CFAP47: variants seen among roughly 807,000 people sequenced by gnomAD.
The protein encoded by CFAP47 is cilia- and flagella-associated protein 47.
CFAP47 carries 29 observed loss-of-function variants against 148.1 expected under a neutral mutation model. That is an observed-to-expected ratio of 0.20 (90% CI 0.15 to 0.27). The LOEUF is 0.27. CFAP47 is among the 10% of genes least tolerant of loss of function. The probability of loss-of-function intolerance (pLI) is 1.00; values close to 1 mark genes in which losing one functional copy is unlikely to be tolerated. For synonymous variants in CFAP47, 664 were observed against 577.3 expected, an observed-to-expected ratio of 1.15 and a Z score of -2.15; for missense variants, 1,872 against 1,697.5, an observed-to-expected ratio of 1.10 and a Z score of -1.81.
intron 37 of CFAP47, among the ~76,000 whole-genome samples, chrX:36,158,041 T>G (rs1409637444): frequency 9.0e-6 from 1 of 111,715 alleles, no homozygotes; most frequent in Admixed American, 9.5e-5. Flanking sequence ...CCTACAAAAC[T>G]ATTTTGAGAA....
chrX:36,157,883 G>A (rs955242976), intron 37 of CFAP47, among the ~76,000 whole-genome samples: 2 of 111,622 alleles, frequency 1.8e-5, no homozygotes, highest in Non-Finnish European at 3.8e-5. Flanking sequence ...CCTGGAAAAA[G>A]ACCTCAAGGT....
intron 2 of CFAP47, among the ~76,000 whole-genome samples, chrX:35,926,849 C>T (rs1047572727): frequency 3.8e-4 from 42 of 110,694 alleles, no homozygotes; most frequent in African/African-American, 1.2e-3. Flanking sequence ...AAATTCCCTT[C>T]TATTCAGGCT....
chrX:36,275,415 C>CGTGTGTGT (rs35781816), intron 49 of CFAP47, among the ~76,000 whole-genome samples: 1,397 of 87,709 alleles, frequency 0.016, 37 homozygotes, highest in African/African-American at 0.054. Flanking sequence ...GTGAGATCGT[C>CGTGTGTGT]GTGTGTGTGT....
chrX:36,234,976 G>A (rs1315713834), intron 46 of CFAP47, among the ~76,000 whole-genome samples: 2 of 111,339 alleles, frequency 1.8e-5, no homozygotes, highest in African/African-American at 6.5e-5. Flanking sequence ...TCCTCTGGAA[G>A]TTTTGCCTCA....
At chrX:36,378,999 A>T (rs1193409172) in intron 62 of CFAP47, among the ~76,000 whole-genome samples, 1 of 110,635 alleles carries the variant, frequency 9.0e-6, no homozygotes, top group Non-Finnish European at 1.9e-5. Flanking sequence ...TTTAGTAGAG[A>T]TGGGGTTTCA....
chrX:36,354,541 A>G (rs1213831306), intron 60 of CFAP47, among the ~76,000 whole-genome samples: 7 of 110,694 alleles, frequency 6.3e-5, no homozygotes, highest in African/African-American at 1.6e-4. Flanking sequence ...ATAATTTAAA[A>G]TAGGTTATCT....
At chrX:36,202,776 C>T (rs909543014) in intron 44 of CFAP47, among the ~76,000 whole-genome samples, 5 of 108,590 alleles carry the variant, frequency 4.6e-5, no homozygotes, top group African/African-American at 1.7e-4. Context: ...ACTTGGGAGG[C>T]CGAGACAGGA....
At chrX:36,123,989 T>C (rs1339507198) in intron 33 of CFAP47, among the ~76,000 whole-genome samples, 2 of 111,276 alleles carry the variant, frequency 1.8e-5, no homozygotes, top group African/African-American at 6.5e-5. Flanking sequence ...CAAGGCCTCT[T>C]TGGTTAGTGG....
intron 57 of CFAP47, among the ~76,000 whole-genome samples, chrX:36,322,587 T>C (rs956321506): frequency 2.7e-5 from 3 of 111,363 alleles, no homozygotes; most frequent in Non-Finnish European, 5.7e-5. Context: ...GAGACCAACA[T>C]TTGTGTTCCA....
intron 23 of CFAP47, among the ~76,000 whole-genome samples, chrX:36,031,769 T>C (rs1368833306): frequency 1.8e-5 from 2 of 109,241 alleles, no homozygotes; most frequent in Non-Finnish European, 3.8e-5. Flanking sequence ...AGCTTCTCTA[T>C]TGAGTTACTA....
chrX:35,974,026 A>G (rs1472703067), intron 13 of CFAP47, among the ~76,000 whole-genome samples: 1 of 112,238 alleles, frequency 8.9e-6, no homozygotes, highest in African/African-American at 3.2e-5. Flanking sequence ...CTGCTCTCAT[A>G]GAGATTACAT....
chrX:36,320,341 C>A (rs1438824370), intron 57 of CFAP47, among the ~76,000 whole-genome samples: 1 of 111,549 alleles, frequency 9.0e-6, no homozygotes, highest in African/African-American at 3.3e-5. Context: ...AATAAATAAC[C>A]ACTACTAACA....
chrX:36,250,456 T>A (rs2146922357), intron 48 of CFAP47, among the ~76,000 whole-genome samples: 1 of 110,385 alleles, frequency 9.1e-6, no homozygotes, highest in South Asian at 3.8e-4. Context: ...AATTTCAGTT[T>A]GATAGAAGAA....
chrX:36,182,522 C>T (rs753341436), intron 40 of CFAP47, among the ~76,000 whole-genome samples: 54 of 111,563 alleles, frequency 4.8e-4, no homozygotes, highest in African/African-American at 1.6e-3. Flanking sequence ...TACTTAGTAA[C>T]GTTACACGTT....
At chrX:36,351,587 G>A (rs890728312) in intron 59 of CFAP47, among the ~76,000 whole-genome samples, 1 of 111,960 alleles carries the variant, frequency 8.9e-6, no homozygotes. Flanking sequence ...CAAAAACATA[G>A]ATTTCTTGCA....
chrX:36,235,966 A>C lies in CFAP47; in HGVS notation c.7047A>C (p.Gln2349His). Residue 2349 changes from glutamine (Q) to histidine (H), a missense_variant, in exon 47 of 64, where the codon CAA becomes CAC. Gln to His is a conservative substitution (Grantham distance 24, BLOSUM62 0). Transcript: ENST00000378653. ...AAACAAACGATAAATGGACCTTTCA[A>C]GTTACTATAGAAGGAGAATGGTTTT... Reference protein sequence around the residue: ...KNQTNDKWTFQVTIEGEWFYG... With the variant: ...KNQTNDKWTFHVTIEGEWFYG... 2.0e-6 allele frequency: 1 copy of C among 509,665 alleles called. No individual in the cohort carries two copies. Among genetic ancestry groups the C allele is most frequent in the African/African-American group, 2.3e-5 (1 of 43,304 alleles). The allele number at this position is 509,665 out of a possible 1,213,427, so 42.0% of individuals were successfully genotyped here.
chrX:36,115,686 G>T (rs1379904584), intron 33 of CFAP47, among the ~76,000 whole-genome samples: 2 of 111,162 alleles, frequency 1.8e-5, no homozygotes, highest in African/African-American at 3.3e-5. Context: ...ACAAAATTAG[G>T]TTTTTTTAAA....
chrX:36,243,647 GTA>G (rs58640112), intron 48 of CFAP47, among the ~76,000 whole-genome samples: 6,765 of 63,422 alleles, frequency 0.11, 363 homozygotes, highest in Non-Finnish European at 0.17. Flanking sequence ...ATATGTGTGT[GTA>G]TATATATATA....
At chrX:36,114,859 G>A (rs975136686) in intron 33 of CFAP47, among the ~76,000 whole-genome samples, 1 of 111,748 alleles carries the variant, frequency 8.9e-6, no homozygotes, top group Non-Finnish European at 1.9e-5. Flanking sequence ...AGCACGATGG[G>A]GTGCATGCAT....
Sources: allele counts gnomAD v4.1 joint callset (sites outside exome capture counted in the v4.1 genomes callset), GRCh38; gene constraint gnomAD v4.1.1; transcripts MANE v1.5; gene names NCBI Gene and HGNC (gene_info 2026-07-23, HGNC 2026-07-21).